Variants in PDZD9 observed in about 807,000 individuals in gnomAD.
PDZD9 encodes the protein PDZ domain containing 9.
A neutral mutation model predicts 16.3 loss-of-function variants in PDZD9; 13 were observed. The observed-to-expected ratio is 0.80, with a 90% CI of 0.52 to 1.27. The LOEUF (loss-of-function observed/expected upper bound fraction) is 1.27. PDZD9 is among the 50% of genes most tolerant of loss of function. The pLI, the probability that PDZD9 is intolerant of heterozygous loss-of-function variation, is 0.00. For synonymous variants in PDZD9, 120 were observed against 111.0 expected (o/e 1.08, Z -0.51); for missense variants, 288 against 310.9 (o/e 0.93, Z 0.55).
At chr16:21,959,596 C>T in the PDZD9 span, 1 of 152,942 alleles carries the variant, frequency 6.5e-6, no homozygotes, top group East Asian at 1.9e-4. Flanking sequence ...AATGTTGATA[C>T]TTTGACATCC....
chr16:21,971,787 A>T, the PDZD9 span: 1 of 1,354,978 alleles, frequency 7.4e-7, no homozygotes, highest in Non-Finnish European at 1.0e-6. Context: ...GTGTTTGGGG[A>T]CAGGATGGCA....
the PDZD9 span, among the ~76,000 whole-genome samples, chr16:21,974,888 G>C: frequency 6.6e-6 from 1 of 152,200 alleles, no homozygotes; most frequent in African/African-American, 2.4e-5. Context: ...CCTCCTCAGT[G>C]AGACAGGAGG....
chr16:21,981,056 G>C (rs1339545962), downstream of PDZD9, among the ~76,000 whole-genome samples: 1 of 152,162 alleles, frequency 6.6e-6, no homozygotes, highest in Non-Finnish European at 1.5e-5. Context: ...TAGATGACTA[G>C]AAGTAAAGAA....
chr16:21,980,243 AG>A, downstream of PDZD9: 1 of 287,394 alleles, frequency 3.5e-6, no homozygotes. Context: ...GGGAAGCATT[AG>A]GGAGCTCTCC....
chr16:21,993,699 C>T (rs573416900), intron 2 of PDZD9, among the ~76,000 whole-genome samples: 12 of 152,138 alleles, frequency 7.9e-5, no homozygotes, highest in Non-Finnish European at 1.8e-4. Flanking sequence ...ATGATTCTAA[C>T]AGGTAACCAG....
At chr16:21,962,033 C>T in the PDZD9 span, among the ~76,000 whole-genome samples, 35 of 152,086 alleles carry the variant, frequency 2.3e-4, no homozygotes, top group South Asian at 6.2e-4. Context: ...ACTTTTCTAT[C>T]TTCTCCCACC....
the PDZD9 span, chr16:21,971,728 C>A: frequency 2.2e-6 from 3 of 1,347,316 alleles, no homozygotes; most frequent in South Asian, 1.3e-5. Context: ...ACAGTCTCGG[C>A]ATAGAATTGG....
Position 21,984,124 on chromosome 16 carries a change from C to T in PDZD9, c.*143G>A. On this transcript the variant is annotated 3_prime_UTR_variant, in exon 4 of 4. Transcript: ENST00000424898. ...TTTAGATAATCCTGTTGAAGAACAT[C>T]TCTAAAGGCTTTATAACGCAGTCAT... 1.2e-5 allele frequency: 11 copies of T among 883,774 alleles called. No homozygotes were observed. Among genetic ancestry groups the T allele is most frequent in the Non-Finnish European group, 1.8e-5 (11 of 597,024 alleles). The allele number at this position is 883,774 out of a possible 1,614,324, so 54.7% of individuals were successfully genotyped here.
the PDZD9 span, chr16:21,962,516 T>C: frequency 1.9e-6 from 3 of 1,614,204 alleles, no homozygotes; most frequent in Non-Finnish European, 2.5e-6. Context: ...CGGGGTGATG[T>C]GTAAGTACCT....
chr16:21,984,081 C>T lies in PDZD9; in HGVS notation c.*186G>A. On this transcript the variant is annotated 3_prime_UTR_variant, in exon 4 of 4. Transcript: ENST00000424898. ...CTGAAAATAAGATTTGTGAGGCCTG[C>T]AAGAACCCAAGGAAGTCTTTAGATA... is the stretch of plus-strand genomic sequence containing the variant. 3.5e-6 allele frequency: 2 copies of T among 566,544 alleles called. No homozygotes were observed. The highest frequency in any genetic ancestry group is 5.9e-6 in the Non-Finnish European group (2 of 341,072). 35.1% of individuals were successfully genotyped at this position (566,544 alleles called of 1,614,324 possible).
rs1899152180 is a variant in PDZD9 at position 21,996,401 on chromosome 16, G to A, written c.132C>T (p.Ile44=). The A allele has an allele frequency of 4.6e-6, 7 of 1,536,026 alleles. No homozygotes were observed. The South Asian group carries it at 7.1e-5, about 16-fold the overall frequency. The change falls in exon 2 of 4, where the codon ATC becomes ATT. Residue 44 remains isoleucine (I), a synonymous_variant. Coordinates refer to ENST00000424898, the MANE Select transcript of PDZD9 (RefSeq NM_001363519.1). ...TVGSLGLGLI[I]IQHGPYLQIT... is the part of the protein sequence containing the mutation. ...TCTGGAGGTAGGGTCCATGCTGGAT[G>A]ATGATGAGGCCTAATCCCAGGCTAC...
At chr16:21,972,373 A>G in the PDZD9 span, among the ~76,000 whole-genome samples, 2 of 152,220 alleles carry the variant, frequency 1.3e-5, no homozygotes, top group Non-Finnish European at 2.9e-5. Flanking sequence ...AAGGGAATCC[A>G]CACATCCGTT....
At chr16:21,969,792 C>A in the PDZD9 span, among the ~76,000 whole-genome samples, 102,705 of 151,796 alleles carry the variant, frequency 0.68, 36,546 homozygotes, top group Non-Finnish European at 0.8. Flanking sequence ...ATCATCCCCC[C>A]AAAAGCCCCA....
At chr16:21,987,249 G>A (rs575806651) in intron 3 of PDZD9, among the ~76,000 whole-genome samples, 1 of 152,092 alleles carries the variant, frequency 6.6e-6, no homozygotes, top group Non-Finnish European at 1.5e-5. Context: ...GTGAAACTTC[G>A]TCTCTATTAA....
rs981529861 is a variant in PDZD9, at chr16:21,985,640, A to G, written c.402-980T>C. 2.0e-5 allele frequency among the ~76,000 whole-genome samples: 3 copies of G among 152,328 alleles called. No homozygotes were observed. In the East Asian group the frequency reaches 5.8e-4, roughly 29 times the overall value. On this transcript the variant is annotated intron_variant, in intron 3 of 3. Coordinates refer to ENST00000424898, the MANE Select transcript of PDZD9 (RefSeq NM_001363519.1). ...CCTCATCCTGGTGCTATTGCCCAGCAGAACCAAAACTAGATCTTTGTGATT... is the reference window on the plus strand; with the variant it reads ...CCTCATCCTGGTGCTATTGCCCAGCGGAACCAAAACTAGATCTTTGTGATT...
chr16:21,974,767 T>G, the PDZD9 span, among the ~76,000 whole-genome samples: 9 of 151,972 alleles, frequency 5.9e-5, no homozygotes, highest in African/African-American at 2.2e-4. Flanking sequence ...AGATAGAAAA[T>G]TATAAATGGC....
chr16:21,980,365 AC>A, downstream of PDZD9: 1 of 657,730 alleles, frequency 1.5e-6, no homozygotes, highest in Non-Finnish European at 2.5e-6. Context: ...CTTCAGACTT[AC>A]TGTTTTAGTA....
chr16:21,998,869 C>A, intron 1 of PDZD9: 1 of 188,978 alleles, frequency 5.3e-6, no homozygotes, highest in Non-Finnish European at 1.2e-5. Flanking sequence ...TAAATACATG[C>A]AATCTCCTGT....
chr16:21,960,337 C>T, the PDZD9 span, among the ~76,000 whole-genome samples: 1 of 152,202 alleles, frequency 6.6e-6, no homozygotes, highest in Non-Finnish European at 1.5e-5. Context: ...GAACTAACCA[C>T]GGCTAGCTTC....
Sources: allele counts gnomAD v4.1 joint callset (sites outside exome capture counted in the v4.1 genomes callset), GRCh38; gene constraint gnomAD v4.1.1; transcripts MANE v1.5; gene names NCBI Gene and HGNC (gene_info 2026-07-23, HGNC 2026-07-21).